SLC35F4: variants seen among roughly 807,000 people sequenced by gnomAD.
The protein encoded by SLC35F4 is solute carrier family 35 member F4.
In SLC35F4, 24 loss-of-function variants were observed where a neutral mutation model predicts 44.2. That is an observed-to-expected ratio of 0.54 (90% CI 0.39 to 0.76). The LOEUF is 0.76. SLC35F4 is among the 30% of genes least tolerant of loss of function. The probability of loss-of-function intolerance (pLI) is 0.00; values close to 1 mark genes in which losing one functional copy is unlikely to be tolerated. For missense variants in SLC35F4, 562 were observed against 586.1 expected, an observed-to-expected ratio of 0.96 and a Z score of 0.42; for synonymous variants, 238 against 223.6, an observed-to-expected ratio of 1.06 and a Z score of -0.57.
intron 1 of SLC35F4, among the ~76,000 whole-genome samples, chr14:57,864,530 C>G (rs1887958034): frequency 6.6e-6 from 1 of 152,088 alleles, no homozygotes; most frequent in African/African-American, 2.4e-5. Flanking sequence ...AATTATTATT[C>G]AATAGAGAGG....
chr14:57,882,366 G>A (rs1172468628), intron 1 of SLC35F4, among the ~76,000 whole-genome samples: 1 of 152,126 alleles, frequency 6.6e-6, no homozygotes, highest in African/African-American at 2.4e-5. Context: ...CCACCTATCT[G>A]ACACCTCTCC....
chr14:57,839,747 G>A (rs943746559), intron 1 of SLC35F4, among the ~76,000 whole-genome samples: 12 of 152,034 alleles, frequency 7.9e-5, no homozygotes, highest in African/African-American at 2.9e-4. Context: ...ATGTAACCCT[G>A]AACTTTAAAA....
intron 1 of SLC35F4, among the ~76,000 whole-genome samples, chr14:57,623,484 C>A (rs1459726929): frequency 6.6e-6 from 1 of 152,192 alleles, no homozygotes; most frequent in Non-Finnish European, 1.5e-5. Flanking sequence ...GAGAACTCTC[C>A]ACCCCAAATT....
At chr14:57,857,563 T>C (rs1230222601) in intron 1 of SLC35F4, among the ~76,000 whole-genome samples, 1 of 152,092 alleles carries the variant, frequency 6.6e-6, no homozygotes, top group Non-Finnish European at 1.5e-5. Flanking sequence ...GTTAGCACAA[T>C]AAACTTTATT....
rs2072625718 is a variant in SLC35F4, at chr14:57,628,998, G to A, written c.104-34874C>T. ...AGCATAAAAACAGTCACATGGAGAA[G>A]GGCAAGTGCCCAGGAAAACAGCATT... On this transcript the variant is annotated intron_variant, in intron 1 of 7. Coordinates refer to ENST00000556826, the MANE Select transcript of SLC35F4 (RefSeq NM_001306087.2). Among the ~76,000 whole-genome samples the A allele has an allele frequency of 2.0e-5, 3 of 152,134 alleles. No homozygotes were observed. The South Asian group carries it at 6.2e-4, about 31-fold the overall frequency.
intron 1 of SLC35F4, among the ~76,000 whole-genome samples, chr14:57,637,741 G>C (rs1260101162): frequency 2.0e-5 from 3 of 152,050 alleles, no homozygotes; most frequent in African/African-American, 7.2e-5. Context: ...TTCCTGAGGA[G>C]ACTAGGGCAT....
chr14:57,770,036 G>A (rs1298346480), intron 1 of SLC35F4, among the ~76,000 whole-genome samples: 1 of 152,120 alleles, frequency 6.6e-6, no homozygotes, highest in African/African-American at 2.4e-5. Flanking sequence ...AAACCCCACA[G>A]AAACAAAATT....
intron 1 of SLC35F4, among the ~76,000 whole-genome samples, chr14:57,640,164 T>C (rs2073165178): frequency 6.6e-6 from 1 of 152,038 alleles, no homozygotes; most frequent in South Asian, 2.1e-4. Flanking sequence ...CTGGTTTCCT[T>C]ATCTTCTGTA....
At chr14:57,828,199 C>CA (rs568421293) in intron 1 of SLC35F4, among the ~76,000 whole-genome samples, 1,783 of 152,178 alleles carry the variant, frequency 0.012, 19 homozygotes, top group Non-Finnish European at 0.019. Context: ...TTTATTTAAA[C>CA]AAAAAAACCA....
chr14:57,734,627 G>A (rs2076421361), intron 1 of SLC35F4, among the ~76,000 whole-genome samples: 1 of 151,996 alleles, frequency 6.6e-6, no homozygotes, highest in South Asian at 2.1e-4. Context: ...TCACTCCAGG[G>A]ATTTATAGCA....
At chr14:57,884,845 T>A (rs1595267623) in intron 1 of SLC35F4, among the ~76,000 whole-genome samples, 1 of 152,150 alleles carries the variant, frequency 6.6e-6, no homozygotes, top group Non-Finnish European at 1.5e-5. Context: ...GAAATAATTA[T>A]GAAATGACTG....
chr14:57,606,537 A>C (rs1489612113), intron 1 of SLC35F4, among the ~76,000 whole-genome samples: 1 of 152,132 alleles, frequency 6.6e-6, no homozygotes, highest in Non-Finnish European at 1.5e-5. Flanking sequence ...TCTTCATTTG[A>C]ACCTTTGTTT....
At chr14:57,739,287 C>T (rs1257814678) in intron 1 of SLC35F4, among the ~76,000 whole-genome samples, 1 of 152,204 alleles carries the variant, frequency 6.6e-6, no homozygotes, top group East Asian at 1.9e-4. Context: ...CGAGACACCT[C>T]ACTCCAGGAC....
chr14:57,872,444 C>T (rs1263550986), intron 1 of SLC35F4, among the ~76,000 whole-genome samples: 3 of 152,072 alleles, frequency 2.0e-5, no homozygotes, highest in African/African-American at 7.2e-5. Context: ...CTTTTATGCT[C>T]CAATTCATTT....
rs1045867728 is a variant in SLC35F4, at chr14:57,605,702, A to G, written c.104-11578T>C. 2.0e-5 allele frequency among the ~76,000 whole-genome samples: 3 copies of G among 152,236 alleles called. No individual in the cohort carries two copies. The South Asian group carries it at 6.2e-4, about 32-fold the overall frequency. On this transcript the variant is annotated intron_variant, in intron 1 of 7. Coordinates refer to ENST00000556826, the MANE Select transcript of SLC35F4 (RefSeq NM_001306087.2). ...TTACAATTGTAAAGACATAGAATCA[A>G]CCCAGGTGCCCATCAGTAGTGGGTT...
intron 1 of SLC35F4, among the ~76,000 whole-genome samples, chr14:57,979,570 C>G (rs1489956611): frequency 6.6e-6 from 1 of 152,184 alleles, no homozygotes; most frequent in Non-Finnish European, 1.5e-5. Context: ...AAAGAATACT[C>G]AGCTTTCATG....
chr14:57,636,910 G>T (rs1231157770), intron 1 of SLC35F4, among the ~76,000 whole-genome samples: 6 of 152,146 alleles, frequency 3.9e-5, no homozygotes, highest in Admixed American at 3.3e-4. Flanking sequence ...TATAAAAAGT[G>T]ACTCCAAATG....
intron 1 of SLC35F4, among the ~76,000 whole-genome samples, chr14:57,644,195 T>C (rs2073385881): frequency 6.6e-6 from 1 of 152,226 alleles, no homozygotes; most frequent in African/African-American, 2.4e-5. Context: ...ATCGCCACAC[T>C]GACTTCCACA....
chr14:57,711,091 A>G (rs1438743457), intron 1 of SLC35F4, among the ~76,000 whole-genome samples: 2 of 152,114 alleles, frequency 1.3e-5, no homozygotes, highest in South Asian at 2.1e-4. Flanking sequence ...TAATCCGCAC[A>G]TATCATGGGA....
Sources: allele counts gnomAD v4.1 joint callset (sites outside exome capture counted in the v4.1 genomes callset), GRCh38; gene constraint gnomAD v4.1.1; transcripts MANE v1.5; gene names NCBI Gene and HGNC (gene_info 2026-07-23, HGNC 2026-07-21).